The following CLIC5 variants were observed in gnomAD, a reference collection of about 807,000 sequenced individuals.
The protein encoded by CLIC5 is CLIC family member 5, also known as chloride intracellular channel protein 5.
A neutral mutation model predicts 24.7 loss-of-function variants in CLIC5; 20 were observed. The ratio of observed to expected loss-of-function variants is 0.81; its 90% CI spans 0.57 to 1.18. The LOEUF is 1.18. Ranked by LOEUF, CLIC5 falls within the 50% of genes most tolerant of loss-of-function variation. The pLI is 0.00. For synonymous variants in CLIC5, 159 were observed against 135.6 expected, an observed-to-expected ratio of 1.17 and a Z score of -1.20; for missense variants, 341 against 326.1, an observed-to-expected ratio of 1.05 and a Z score of -0.35.
At chr6:46,081,418 C>A (rs1029031142), upstream of CLIC5, among the ~76,000 whole-genome samples, 1 of 152,168 alleles carries the variant, frequency 6.6e-6, no homozygotes, top group African/African-American at 2.4e-5. Flanking sequence ...ATTTGATGGG[C>A]ATCTTGGCAA....
At chr6:45,927,477 C>G (rs1249873930) in intron 4 of CLIC5, among the ~76,000 whole-genome samples, 2 of 152,210 alleles carry the variant, frequency 1.3e-5, no homozygotes, top group Non-Finnish European at 2.9e-5. Context: ...GAAACAGAGG[C>G]AGTAAAGCTC....
intron 1 of CLIC5, among the ~76,000 whole-genome samples, chr6:45,984,784 T>C (rs968249726): frequency 6.6e-6 from 1 of 152,090 alleles, no homozygotes; most frequent in African/African-American, 2.4e-5. Flanking sequence ...TAATGAAGAA[T>C]TCATTGAGGT....
the CLIC5 span, among the ~76,000 whole-genome samples, chr6:46,113,559 C>G: frequency 2.6e-5 from 4 of 152,132 alleles, no homozygotes; most frequent in Non-Finnish European, 5.9e-5. Flanking sequence ...CACCGGCCAG[C>G]AGGTGTGGCA....
the CLIC5 span, among the ~76,000 whole-genome samples, chr6:46,127,595 T>C: frequency 6.6e-6 from 1 of 152,264 alleles, no homozygotes; most frequent in Non-Finnish European, 1.5e-5. Context: ...GTTACTATTA[T>C]GTTTTCTTTT....
At chr6:45,928,757 G>A (rs975907152) in intron 4 of CLIC5, among the ~76,000 whole-genome samples, 8 of 136,398 alleles carry the variant, frequency 5.9e-5, no homozygotes, top group African/African-American at 1.3e-4. Flanking sequence ...GAACACACAC[G>A]AAGTGCATAA....
chr6:45,942,570 A>T (rs984115524), intron 3 of CLIC5, among the ~76,000 whole-genome samples: 1 of 152,058 alleles, frequency 6.6e-6, no homozygotes, highest in African/African-American at 2.4e-5. Context: ...ATGAATGTGC[A>T]CCTCTGTGAT....
chr6:46,048,870 C>G (rs766763659), intron 1 of CLIC5, among the ~76,000 whole-genome samples: 1 of 152,050 alleles, frequency 6.6e-6, no homozygotes, highest in Non-Finnish European at 1.5e-5. Context: ...TGGTTCAGAC[C>G]GTGGCCACAG....
chr6:46,071,381 T>C (rs1424511320), intron 1 of CLIC5, among the ~76,000 whole-genome samples: 5 of 151,704 alleles, frequency 3.3e-5, no homozygotes, highest in Non-Finnish European at 7.4e-5. Context: ...TTCATATAAA[T>C]TTAACAAATT....
chr6:46,053,122 T>A (rs1019425534), intron 1 of CLIC5, among the ~76,000 whole-genome samples: 1 of 151,770 alleles, frequency 6.6e-6, no homozygotes, highest in Non-Finnish European at 1.5e-5. Flanking sequence ...AGAGGCCAAA[T>A]ACAGAAGGGT....
chr6:46,024,048 G>T (rs1182473140), intron 1 of CLIC5, among the ~76,000 whole-genome samples: 3 of 152,124 alleles, frequency 2.0e-5, no homozygotes. Flanking sequence ...GGGTTGGGGG[G>T]AAAGCAAGGT....
At chr6:46,087,244 C>T in the CLIC5 span, among the ~76,000 whole-genome samples, 1 of 152,010 alleles carries the variant, frequency 6.6e-6, no homozygotes, top group Admixed American at 6.6e-5. Flanking sequence ...TGTTTTATTA[C>T]TTAGAGGAGA....
chr6:45,896,257 A>G (rs1174364486), downstream of CLIC5, among the ~76,000 whole-genome samples: 1 of 152,258 alleles, frequency 6.6e-6, no homozygotes, highest in Non-Finnish European at 1.5e-5. Context: ...GCTTCTTTCC[A>G]TTAAAGAAGA....
chr6:46,128,204 C>A, the CLIC5 span, among the ~76,000 whole-genome samples: 1 of 152,150 alleles, frequency 6.6e-6, no homozygotes, highest in Non-Finnish European at 1.5e-5. Flanking sequence ...TCTTACAGAG[C>A]AAGAGCCCAG....
chr6:46,125,790 C>A, the CLIC5 span, among the ~76,000 whole-genome samples: 1 of 152,002 alleles, frequency 6.6e-6, no homozygotes, highest in Non-Finnish European at 1.5e-5. Context: ...CCACCAGCAG[C>A]TTCAGTGATT....
At chr6:45,950,510 T>C (rs1764435700) in intron 2 of CLIC5, among the ~76,000 whole-genome samples, 1 of 152,112 alleles carries the variant, frequency 6.6e-6, no homozygotes, top group African/African-American at 2.4e-5. Flanking sequence ...TTCGAGGCAG[T>C]TGTGAGCCGT....
intron 1 of CLIC5, among the ~76,000 whole-genome samples, chr6:46,013,910 C>A (rs1384665430): frequency 6.6e-6 from 1 of 152,192 alleles, no homozygotes; most frequent in Non-Finnish European, 1.5e-5. Flanking sequence ...CCCCTAGGGC[C>A]CAGGCCTGGA....
At chr6:46,037,203 A>T (rs539351159) in intron 1 of CLIC5, among the ~76,000 whole-genome samples, 9 of 152,290 alleles carry the variant, frequency 5.9e-5, no homozygotes, top group African/African-American at 1.9e-4. Context: ...CAACATGCTA[A>T]AGAGCTCTTT....
chr6:46,108,995 T>C, the CLIC5 span, among the ~76,000 whole-genome samples: 5 of 152,176 alleles, frequency 3.3e-5, no homozygotes, highest in Non-Finnish European at 7.4e-5. Flanking sequence ...GTGTTTAACT[T>C]GTATAAATAC....
chr6:46,099,231 T>C, the CLIC5 span, among the ~76,000 whole-genome samples: 1 of 152,174 alleles, frequency 6.6e-6, no homozygotes, highest in Middle Eastern at 3.2e-3. Context: ...GTCAAAACTC[T>C]TGTTGGTCTT....
Sources: allele counts gnomAD v4.1 joint callset (sites outside exome capture counted in the v4.1 genomes callset), GRCh38; gene constraint gnomAD v4.1.1; transcripts MANE v1.5; gene names NCBI Gene and HGNC (gene_info 2026-07-23, HGNC 2026-07-21).